SZT2: variants seen among roughly 807,000 people sequenced by gnomAD.
The protein encoded by SZT2 is SZT2 subunit of KICSTOR complex, also known as KICSTOR complex protein SZT2.
In SZT2, 216 loss-of-function variants were observed where a neutral mutation model predicts 404.2. The ratio of observed to expected loss-of-function variants is 0.53; its 90% confidence interval spans 0.48 to 0.60. The LOEUF (loss-of-function observed/expected upper bound fraction) is 0.60, where lower values mean the gene tolerates loss of function less well. Ranked by LOEUF, SZT2 falls within the 20% of genes least tolerant of loss-of-function variation. The pLI is 0.00. For synonymous variants in SZT2, 1,693 were observed against 1,749.9 expected (o/e 0.97, Z 0.81); for missense variants, 3,857 against 4,459.2 (o/e 0.86, Z 3.85).
In SZT2 at chr1:43,450,750, TC is replaced by T. The variant is rs758430132; in HGVS notation, c.*272del. On this transcript the variant is annotated 3_prime_UTR_variant, in exon 72 of 72. Coordinates refer to ENST00000634258, the MANE Select transcript of SZT2 (RefSeq NM_001365999.1). This position sits in a 1 kb window ranked among gnomAD's most constrained non-coding sequence, Gnocchi z 4.3. Reference sequence around the variant, plus strand: ...GACCCCTTGGGCCCTTCTGGGGTACTCCTTTCGGCCCCCCTGGTAGAGTCTC... The same window carrying T: ...GACCCCTTGGGCCCTTCTGGGGTACTCTTTCGGCCCCCCTGGTAGAGTCTC... 3 of 697,126 alleles carry T rather than the reference TC, an allele frequency of 4.3e-6. No homozygotes were observed. Among genetic ancestry groups the T allele is most frequent in the Non-Finnish European group, 7.8e-6 (3 of 382,592 alleles). The allele number at this position is 697,126 out of a possible 1,614,324, so 43.2% of individuals were successfully genotyped here.
intron 1 of SZT2, among the ~76,000 whole-genome samples, chr1:43,391,217 G>A (rs775874801): frequency 6.6e-5 from 10 of 152,142 alleles, no homozygotes; most frequent in Admixed American, 6.5e-4. Context: ...GGGAGGCTGA[G>A]GCAGGAGAAT....
At chr1:43,410,602 T>C (rs1037057894) in intron 4 of SZT2, 14 of 139,398 alleles carry the variant, frequency 1.0e-4, no homozygotes, top group Non-Finnish European at 1.6e-5. Context: ...GACCTCAAAC[T>C]ATGAAACTAC....
intron 1 of SZT2, among the ~76,000 whole-genome samples, chr1:43,396,515 A>C (rs922636526): frequency 1.3e-5 from 2 of 152,256 alleles, no homozygotes; most frequent in African/African-American, 4.8e-5. Context: ...GGCAAAAAAA[A>C]CAAAGAAACA....
intron 4 of SZT2, 41 bp from the exon 5 acceptor site, chr1:43,415,041 C>A (rs772932016): frequency 1.3e-6 from 2 of 1,589,458 alleles, no homozygotes; most frequent in Non-Finnish European, 1.7e-6. Flanking sequence ...GTCTGTGCCA[C>A]CCTGACCGTC....
Position 43,441,704 on chromosome 1 carries a change from G to T in SZT2, c.7628G>T (p.Arg2543Ile). 6.2e-7 allele frequency: 1 copy of T among 1,614,196 alleles called. No individual in the cohort carries two copies. The highest frequency in any genetic ancestry group is 8.5e-7 in the Non-Finnish European group (1 of 1,180,044). Residue 2543 changes from arginine (R) to isoleucine (I), a missense_variant, in exon 55 of 72, where the codon AGA becomes ATA. This residue lies in a region of SZT2 where 573 missense variants were observed against 592.4 expected (regional missense o/e 0.97). Transcript: ENST00000634258. This position sits in a 1 kb window ranked among gnomAD's most constrained non-coding sequence, Gnocchi z 4.8. ...CTCCTAGGTTGTGCCTCAGTGTCCA[G>T]AAGCTCTGCCCACATGGTGTCCCGG... The part of the protein sequence containing the change: ...MVQIGCASVS[R>I]SSAHMVSRFL...
Position 43,424,512 on chromosome 1 carries a change from G to A in SZT2, c.2471+80G>A. The stretch of plus-strand genomic sequence containing the variant: ...CTGGGACACTAGCAAAAAGCCTATA[G>A]CACACACTTCTCCTCTCTAATTCCC... On this transcript the variant is annotated intron_variant, in intron 16 of 71. Coordinates refer to ENST00000634258, the MANE Select transcript of SZT2 (RefSeq NM_001365999.1). The surrounding 1 kb of genome is among the most constrained non-coding windows in gnomAD (Gnocchi z 4.1). 7.2e-7 allele frequency: 1 copy of A among 1,394,048 alleles called. No individual in the cohort carries two copies. The highest frequency in any genetic ancestry group is 9.9e-7 in the Non-Finnish European group (1 of 1,007,728). The allele number at this position is 1,394,048 out of a possible 1,614,324, so 86.4% of individuals were successfully genotyped here. A position where few individuals can be genotyped will look rare whatever the true frequency, so the allele number is the denominator to read the frequency against.
chr1:43,420,107 T>G lies in SZT2; in HGVS notation c.1091-46T>G, dbSNP rs1213429304. 3.8e-6 allele frequency: 6 copies of G among 1,591,550 alleles called. No homozygotes were observed. Among genetic ancestry groups the G allele is most frequent in the Non-Finnish European group, 5.1e-6 (6 of 1,175,662 alleles). On this transcript the variant is annotated intron_variant, in intron 8 of 71. Coordinates refer to ENST00000634258, the MANE Select transcript of SZT2 (RefSeq NM_001365999.1). The surrounding 1 kb of genome is among the most constrained non-coding windows in gnomAD (Gnocchi z 5.1). ...CCCTTCCCCCTACAGATCTGTCAGT[T>G]GGCAGATAACCAGTTTCTCCTTCCC...
At position 43,450,227 on chromosome 1, in the gene SZT2, C is replaced by T. The variant is rs1656225801; in HGVS notation, c.10155+56C>T. On this transcript the variant is annotated intron_variant, in intron 71 of 71. Coordinates refer to ENST00000634258, the MANE Select transcript of SZT2 (RefSeq NM_001365999.1). This position sits in a 1 kb window ranked among gnomAD's most constrained non-coding sequence, Gnocchi z 4.3. The stretch of plus-strand genomic sequence containing the variant: ...CTCATGGGAGGCCGTACCCCAAATG[C>T]TCCACCTCGGAGCCTGCTGAGGTTG... The T allele has an allele frequency of 1.2e-6, 2 of 1,613,866 alleles. No individual in the cohort carries two copies. Among genetic ancestry groups the T allele is most frequent in the Non-Finnish European group, 1.7e-6 (2 of 1,179,754 alleles).
intron 2 of SZT2, 80 bp downstream of exon 2, chr1:43,403,382 G>T: frequency 6.5e-7 from 1 of 1,538,888 alleles, no homozygotes; most frequent in South Asian, 1.2e-5. Flanking sequence ...AAACAGACAG[G>T]GTGGGAGACT....
chr1:43,432,276 T>G lies in SZT2; in HGVS notation c.5279T>G (p.Phe1760Cys). The change falls in exon 37 of 72, where the codon TTC becomes TGC. Residue 1760 changes from phenylalanine to cysteine, a missense_variant. By Grantham distance (205) the Phe-to-Cys change is radical. This residue lies in a region of SZT2 where 1,725 missense variants were observed against 1,881.0 expected (regional missense o/e 0.92). Coordinates refer to ENST00000634258, the MANE Select transcript of SZT2 (RefSeq NM_001365999.1). Reference sequence around the variant, plus strand: ...ATCTTGGCTCCTGCTCTCTAGGAGTTCCGCCGCCTCCATCTCCCTGGCCAT... The same window carrying G: ...ATCTTGGCTCCTGCTCTCTAGGAGTGCCGCCGCCTCCATCTCCCTGGCCAT... ...ERSLTQFKEEFRRLHLPGHVL... is the reference protein window; with the variant it reads ...ERSLTQFKEECRRLHLPGHVL... 6.4e-7 allele frequency: 1 copy of G among 1,551,528 alleles called. No individual in the cohort carries two copies. The highest frequency in any genetic ancestry group is 1.4e-5 in the African/African-American group (1 of 72,702).
chr1:43,446,206 C>A lies in SZT2; in HGVS notation c.8944C>A (p.His2982Asn), dbSNP rs754779853. The A allele has an allele frequency of 6.2e-7, 1 of 1,614,144 alleles. No homozygotes were observed. The highest frequency in any genetic ancestry group is 8.5e-7 in the Non-Finnish European group (1 of 1,180,060). Reference sequence around the variant, plus strand: ...CACTAGCTCTCCGGTAACCACCTACCACCTGCAGCGGGCACTGCCTGGGGG... The same window carrying A: ...CACTAGCTCTCCGGTAACCACCTACAACCTGCAGCGGGCACTGCCTGGGGG... Reference protein sequence around the residue: ...KSTSSPVTTYHLQRALPGGII... With the variant: ...KSTSSPVTTYNLQRALPGGII... The change falls in exon 64 of 72, where the codon CAC becomes AAC. Residue 2982 changes from histidine (H) to asparagine (N), a missense_variant. Coordinates refer to ENST00000634258, the MANE Select transcript of SZT2 (RefSeq NM_001365999.1).
Position 43,437,387 on chromosome 1 carries a change from G to A in SZT2, c.6188-19G>A. On this transcript the variant is annotated intron_variant, in intron 43 of 71. Transcript: ENST00000634258. The surrounding 1 kb of genome is among the most constrained non-coding windows in gnomAD (Gnocchi z 5.3). ...GGATCTGGAAAAGGCAGTTTCCTGAGCCCATGTTATTCCCCCAGCCATCCA... is the reference window on the plus strand; with the variant it reads ...GGATCTGGAAAAGGCAGTTTCCTGAACCCATGTTATTCCCCCAGCCATCCA... The A allele has an allele frequency of 2.5e-6, 4 of 1,614,118 alleles. No homozygotes were observed. The highest frequency in any genetic ancestry group is 3.4e-6 in the Non-Finnish European group (4 of 1,180,000).
chr1:43,391,020 A>T (rs1002964768), intron 1 of SZT2, among the ~76,000 whole-genome samples: 2 of 152,202 alleles, frequency 1.3e-5, no homozygotes, highest in Non-Finnish European at 2.9e-5. Flanking sequence ...CAGAGATATT[A>T]AGAGTAACAA....
At chr1:43,421,454 T>G (rs1193995205) in intron 11 of SZT2, among the ~76,000 whole-genome samples, 151 bp downstream of exon 11, 1 of 152,158 alleles carries the variant, frequency 6.6e-6, no homozygotes, top group African/African-American at 2.4e-5. Flanking sequence ...GAGCTTCTCT[T>G]CTCCCTAAGG....
chr1:43,393,336 C>G (rs12734031), intron 1 of SZT2, among the ~76,000 whole-genome samples: 2,168 of 152,226 alleles, frequency 0.014, 17 homozygotes, highest in Non-Finnish European at 0.022. Context: ...ATCTGATACT[C>G]AAAAATTATC....
intron 1 of SZT2, among the ~76,000 whole-genome samples, chr1:43,390,440 A>G (rs900126255): frequency 3.3e-5 from 5 of 152,212 alleles, no homozygotes; most frequent in Admixed American, 6.5e-5. Context: ...AATTTCATGA[A>G]AAAAACATTT....
At chr1:43,401,007 G>A (rs1245373358) in intron 1 of SZT2, among the ~76,000 whole-genome samples, 3 of 151,830 alleles carry the variant, frequency 2.0e-5, no homozygotes, top group East Asian at 1.9e-4. Context: ...CTACAGTCTC[G>A]ACCTCCTGGG....
rs1292613185 is a variant in SZT2, at chr1:43,422,786, C to G, written c.1940C>G (p.Pro647Arg). Reference protein sequence around the residue: ...KLLSSAPDQPPNSFYMVRIIS... With the variant: ...KLLSSAPDQPRNSFYMVRIIS... ...CTCCCCAGTGCCCCAGACCAGCCCC[C>G]CAATTCCTTCTACATGGTCCGTATC... The change falls in exon 14 of 72, where the codon CCC becomes CGC. Residue 647 changes from proline (P) to arginine (R), a missense_variant. Pro to Arg is a moderately radical substitution (Grantham distance 103). Coordinates refer to ENST00000634258, the MANE Select transcript of SZT2 (RefSeq NM_001365999.1). The G allele has an allele frequency of 6.3e-7, 1 of 1,590,238 alleles. No individual in the cohort carries two copies. Among genetic ancestry groups the G allele is most frequent in the East Asian group, 2.2e-5 (1 of 44,510 alleles).
chr1:43,403,284 C>T lies in SZT2; in HGVS notation c.135C>T (p.Ala45=), dbSNP rs2153929611. Residue 45 remains alanine, a synonymous_variant, in exon 2 of 72, where the codon GCC becomes GCT. Coordinates refer to ENST00000634258, the MANE Select transcript of SZT2 (RefSeq NM_001365999.1). ...FLSHLHQTVQ[A]TPQEMLLQSE... Reference sequence around the variant, plus strand: ...GTCATCTGCACCAAACTGTGCAGGCCACACCCCAGGAGATGCTGGTGAGGC... The same window carrying T: ...GTCATCTGCACCAAACTGTGCAGGCTACACCCCAGGAGATGCTGGTGAGGC... 6.2e-7 allele frequency: 1 copy of T among 1,613,730 alleles called. No individual in the cohort carries two copies. The highest frequency in any genetic ancestry group is 1.7e-5 in the Admixed American group (1 of 60,016).
Sources: gnomAD v4.1 joint callset for allele counts (sites outside exome capture counted in the v4.1 genomes callset) on GRCh38, gnomAD v4.1.1 for gene constraint, gnomAD v4.1.1 regional missense constraint, Gnocchi (gnomAD v3.1) non-coding constraint, MANE v1.5 for transcripts, NCBI Gene and HGNC (gene_info 2026-07-23, HGNC 2026-07-21) for gene names.